KLK6: variants seen among roughly 807,000 people sequenced by gnomAD.
KLK6 encodes the protein kallikrein related peptidase 6, also known as kallikrein-6.
In KLK6, 16 loss-of-function variants were observed where a neutral mutation model predicts 21.7. The observed-to-expected ratio is 0.74, with a 90% CI of 0.50 to 1.12. The LOEUF (loss-of-function observed/expected upper bound fraction) is 1.12. Ranked by LOEUF, KLK6 falls within the 50% of genes most tolerant of loss-of-function variation. The pLI is 0.00. For synonymous variants in KLK6, 116 were observed against 120.1 expected, an observed-to-expected ratio of 0.97 and a Z score of 0.22; for missense variants, 276 against 304.6, an observed-to-expected ratio of 0.91 and a Z score of 0.70.
At chr19:50,966,503 A>G (rs904628446) in intron 4 of KLK6, among the ~76,000 whole-genome samples, 6 of 152,184 alleles carry the variant, frequency 3.9e-5, no homozygotes, top group African/African-American at 1.4e-4. Flanking sequence ...GGTGCTTGTA[A>G]AAATGTAAAT....
At chr19:50,967,363 G>T in intron 3 of KLK6, 38 bp from the exon 4 acceptor site, 1 of 1,556,098 alleles carries the variant, frequency 6.4e-7, no homozygotes, top group South Asian at 1.2e-5. Flanking sequence ...AGGAGTTCTG[G>T]AGAAACCAAG....
At chr19:50,962,082 T>TG in intron 5 of KLK6, 1 of 514,586 alleles carries the variant, frequency 1.9e-6, no homozygotes, top group Non-Finnish European at 3.3e-6. Flanking sequence ...CTATCATTCT[T>TG]CCCCCCCATT....
At chr19:50,963,584 C>T in intron 4 of KLK6, 35 bp from the exon 5 acceptor site, 1 of 1,607,620 alleles carries the variant, frequency 6.2e-7, no homozygotes, top group Non-Finnish European at 8.5e-7. Context: ...CACCTGGAGC[C>T]CTTGGGCTGC....
At chr19:50,966,664 GGT>G (rs1377392859) in intron 4 of KLK6, among the ~76,000 whole-genome samples, 1 of 152,236 alleles carries the variant, frequency 6.6e-6, no homozygotes, top group Non-Finnish European at 1.5e-5. Context: ...AGCCAGGCAA[GGT>G]GGTGCACACC....
intron 6 of KLK6, among the ~76,000 whole-genome samples, 165 bp downstream of exon 6, chr19:50,961,579 A>T (rs2090840459): frequency 6.6e-6 from 1 of 151,864 alleles, no homozygotes; most frequent in South Asian, 2.1e-4. Flanking sequence ...CTGTGTGTTG[A>T]ACTAAGTCTC....
chr19:50,968,440 C>T (rs1056182392), intron 2 of KLK6, 101 bp downstream of exon 2: 6 of 398,734 alleles, frequency 1.5e-5, no homozygotes, highest in East Asian at 1.0e-4. Context: ...GGGGCCCTAG[C>T]GTTCTTCCTC....
chr19:50,968,034 A>T (rs1210089033), intron 3 of KLK6, 31 bp downstream of exon 3: 1 of 1,609,440 alleles, frequency 6.2e-7, no homozygotes, highest in African/African-American at 1.3e-5. Context: ...CCTGTCTGCA[A>T]GCCTCCCCCA....
chr19:50,966,673 C>T (rs899453222), intron 4 of KLK6, among the ~76,000 whole-genome samples: 3 of 152,218 alleles, frequency 2.0e-5, no homozygotes, highest in Admixed American at 6.5e-5. Context: ...AGGTGGTGCA[C>T]ACCTGTAATC....
At position 50,966,283 on chromosome 19, in the gene KLK6, G is replaced by A. The variant is rs557929050; in HGVS notation, c.197+886C>T. On this transcript the variant is annotated intron_variant, in intron 4 of 6. Coordinates refer to ENST00000310157, the MANE Select transcript of KLK6 (RefSeq NM_002774.4). ...CAGGACAAATACACGGAAGCCAGCCGTGCTTCTTCCTCTCCCTCCTGTTCC... is the reference window on the plus strand; with the variant it reads ...CAGGACAAATACACGGAAGCCAGCCATGCTTCTTCCTCTCCCTCCTGTTCC... Among the ~76,000 whole-genome samples, 8 of 152,296 alleles carry A rather than the reference G, an allele frequency of 5.3e-5. No individual in the cohort carries two copies. In the South Asian group the frequency reaches 1.2e-3, roughly 24 times the overall value.
rs544499920 is a variant in KLK6, at chr19:50,958,926, C to A, written c.*238G>T. Reference sequence around the variant, plus strand: ...TGCCTAGAAGGGATTTTCCTGTATTCTCTTAGTGGTGGGGGTAAGACCGAG... The same window carrying A: ...TGCCTAGAAGGGATTTTCCTGTATTATCTTAGTGGTGGGGGTAAGACCGAG... On this transcript the variant is annotated 3_prime_UTR_variant, in exon 7 of 7. Transcript: ENST00000310157. The A allele has an allele frequency of 1.8e-4, 99 of 542,810 alleles. 1 individual carries two copies. In the South Asian group the frequency reaches 2.4e-3, roughly 13 times the overall value. 33.6% of individuals were successfully genotyped at this position (542,810 alleles called of 1,614,324 possible). A position where few individuals can be genotyped will look rare whatever the true frequency, so the allele number is the denominator to read the frequency against.
intron 3 of KLK6, 148 bp from the exon 4 acceptor site, chr19:50,967,473 T>C (rs1600099188): frequency 1.6e-6 from 1 of 639,124 alleles, no homozygotes; most frequent in Middle Eastern, 4.5e-4. Flanking sequence ...AGCCCAGGAG[T>C]TTGAGACCAG....
chr19:50,964,400 C>A (rs924549849), intron 4 of KLK6, among the ~76,000 whole-genome samples: 1 of 152,174 alleles, frequency 6.6e-6, no homozygotes, highest in Admixed American at 6.5e-5. Context: ...TAAATATTTA[C>A]TCATTGTGTT....
intron 4 of KLK6, 98 bp downstream of exon 4, chr19:50,967,071 T>G: frequency 7.3e-7 from 1 of 1,373,014 alleles, no homozygotes; most frequent in South Asian, 1.2e-5. Context: ...GGCCTCGTGC[T>G]GGGATGGGGG....
chr19:50,969,021 G>C (rs1568542940), intron 1 of KLK6: 1 of 157,576 alleles, frequency 6.3e-6, no homozygotes, highest in East Asian at 1.8e-4. Context: ...GAGGGAGGAG[G>C]GGCTGGGGGC....
rs145702703 is a variant in KLK6 at position 50,967,888 on chromosome 19, C to CCCA, written c.40+174_40+176dup. Among the ~76,000 whole-genome samples, 1,286 of 143,326 alleles carry CCCA rather than the reference C, an allele frequency of 9.0e-3. 18 individuals are homozygous for CCCA. Among genetic ancestry groups the CCCA allele is most frequent in the African/African-American group, 0.03 (1,178 of 39,680 alleles). The allele number at this position is 143,326 out of a possible 152,430, so 94.0% of individuals were successfully genotyped here. Reference sequence around the variant, plus strand: ...AACCCTCATATCTTCAAACCCACCTCCCACCACCCTCCCTATCTGTATTCC... The same window carrying CCCA: ...AACCCTCATATCTTCAAACCCACCTCCCACCACCACCCTCCCTATCTGTATTCC... On this transcript the variant is annotated intron_variant, in intron 3 of 6. Coordinates refer to ENST00000310157, the MANE Select transcript of KLK6 (RefSeq NM_002774.4).
At chr19:50,968,223 G>C (rs2122179927) in intron 2 of KLK6, 111 bp from the exon 3 acceptor site, 1 of 949,500 alleles carries the variant, frequency 1.1e-6, no homozygotes. Context: ...ATGGTCTCCT[G>C]CCTTGACCTC....
At chr19:50,967,972 TG>T in intron 3 of KLK6, 92 bp downstream of exon 3, 2 of 707,184 alleles carry the variant, frequency 2.8e-6, no homozygotes, top group South Asian at 2.8e-5. Flanking sequence ...ACCCCAACCC[TG>T]TGCATATCCC....
chr19:50,960,853 G>A (rs112892167), intron 6 of KLK6, among the ~76,000 whole-genome samples: 3,181 of 152,046 alleles, frequency 0.021, 94 homozygotes, highest in African/African-American at 0.066. Context: ...AACAACCTCC[G>A]CCTCCAGGTT....
rs753254086 is a variant in KLK6, at chr19:50,967,240, C to T, written c.126G>A (p.Ser42=). The T allele has an allele frequency of 2.2e-5, 36 of 1,613,966 alleles. No homozygotes were observed. The highest frequency in any genetic ancestry group is 7.7e-5 in the South Asian group (7 of 91,086). The change falls in exon 4 of 7, where the codon TCG becomes TCA. Residue 42 remains serine (S), a synonymous_variant. Coordinates refer to ENST00000310157, the MANE Select transcript of KLK6 (RefSeq NM_002774.4). The part of the protein sequence containing the change: ...SHPYQAALYT[S]GHLLCGGVLI... ...GGACCCCACCACAGAGCAAGTGGCC[C>T]GAGGTGTAGAGGGCAGCTTGGTAGG...
Sources: allele counts gnomAD v4.1 joint callset (sites outside exome capture counted in the v4.1 genomes callset), GRCh38; gene constraint gnomAD v4.1.1; transcripts MANE v1.5; gene names NCBI Gene and HGNC (gene_info 2026-07-23, HGNC 2026-07-21).